SGIP1: variants seen among roughly 807,000 people sequenced by gnomAD.
The protein encoded by SGIP1 is SH3-containing GRB2-like protein 3-interacting protein 1.
SGIP1 carries 38 observed loss-of-function variants against 107.5 expected under a neutral mutation model. The ratio of observed to expected loss-of-function variants is 0.35; its 90% CI spans 0.27 to 0.46. The LOEUF is 0.46. Among genes scored for constraint, SGIP1 ranks in the 20% least tolerant of loss-of-function variants. SGIP1 has a pLI of 1.00. For synonymous variants in SGIP1, 365 were observed against 366.1 expected, an observed-to-expected ratio of 1.00 and a Z score of 0.03; for missense variants, 929 against 1,019.5, an observed-to-expected ratio of 0.91 and a Z score of 1.21.
intron 1 of SGIP1, among the ~76,000 whole-genome samples, chr1:66,581,161 G>C (rs925526941): frequency 2.0e-5 from 3 of 152,010 alleles, no homozygotes; most frequent in African/African-American, 7.2e-5. Flanking sequence ...AAACTTCACT[G>C]TTTTAGACCA....
At chr1:66,741,893 G>C (rs1352679465) in intron 24 of SGIP1, among the ~76,000 whole-genome samples, 1 of 151,604 alleles carries the variant, frequency 6.6e-6, no homozygotes, top group Non-Finnish European at 1.5e-5. Flanking sequence ...TCAGCCTCCC[G>C]AGTAGCTGGG....
chr1:66,736,776 A>C (rs2094277433), intron 21 of SGIP1, among the ~76,000 whole-genome samples: 1 of 151,848 alleles, frequency 6.6e-6, no homozygotes, highest in Admixed American at 6.6e-5. Context: ...AATGCCACCC[A>C]GGTATCTGTA....
intron 24 of SGIP1, among the ~76,000 whole-genome samples, chr1:66,742,434 G>A (rs1001597919): frequency 1.4e-5 from 2 of 140,788 alleles, no homozygotes; most frequent in African/African-American, 5.3e-5. Flanking sequence ...ATCCAAATTG[G>A]AATATAAGTT....
intron 2 of SGIP1, among the ~76,000 whole-genome samples, chr1:66,632,745 A>T (rs1465430937): frequency 6.6e-6 from 1 of 152,030 alleles, no homozygotes. Flanking sequence ...AGCCAGCTAG[A>T]GTGGGATAGT....
intron 18 of SGIP1, among the ~76,000 whole-genome samples, chr1:66,704,014 T>A (rs1251944662): frequency 6.6e-6 from 1 of 151,970 alleles, no homozygotes; most frequent in Non-Finnish European, 1.5e-5. Context: ...CTCTGAAAAC[T>A]GGAATAATAA....
intron 1 of SGIP1, among the ~76,000 whole-genome samples, chr1:66,544,699 A>G (rs1266798461): frequency 6.6e-6 from 1 of 152,090 alleles, no homozygotes; most frequent in Non-Finnish European, 1.5e-5. Flanking sequence ...AAAAACAAAC[A>G]TACATATAAA....
At chr1:66,660,029 A>AGGAAGGAAGGAAGGAT (rs2149689216) in intron 7 of SGIP1, 1 of 137,316 alleles carries the variant, frequency 7.3e-6, no homozygotes, top group Non-Finnish European at 1.3e-5. Context: ...GAAGGAAGGA[A>AGGAAGGAAGGAAGGAT]GGAAGGAAGG....
At chr1:66,540,304 A>G (rs2054619615) in intron 1 of SGIP1, among the ~76,000 whole-genome samples, 2 of 152,214 alleles carry the variant, frequency 1.3e-5, no homozygotes, top group Admixed American at 6.5e-5. Context: ...GCTCCTAGGA[A>G]ATGATTTCAT....
chr1:66,603,945 G>A (rs2066340787), intron 1 of SGIP1, among the ~76,000 whole-genome samples: 1 of 152,144 alleles, frequency 6.6e-6, no homozygotes, highest in Non-Finnish European at 1.5e-5. Flanking sequence ...AATCGGAAAA[G>A]AGTCCAGAGG....
intron 1 of SGIP1, among the ~76,000 whole-genome samples, chr1:66,572,197 C>T (rs1334464067): frequency 6.6e-6 from 1 of 151,930 alleles, no homozygotes; most frequent in Non-Finnish European, 1.5e-5. Flanking sequence ...CATTTTTCTA[C>T]CTTGCATTGT....
chr1:66,660,304 G>A (rs553268975), intron 7 of SGIP1, among the ~76,000 whole-genome samples: 3 of 152,062 alleles, frequency 2.0e-5, no homozygotes, highest in South Asian at 4.2e-4. Context: ...CCCAGATGAA[G>A]TCCACACCTA....
At chr1:66,613,140 A>G (rs2068392429) in intron 1 of SGIP1, among the ~76,000 whole-genome samples, 1 of 152,142 alleles carries the variant, frequency 6.6e-6, no homozygotes. Flanking sequence ...AAAACACTCT[A>G]TTTGTTTAGC....
intron 13 of SGIP1, among the ~76,000 whole-genome samples, chr1:66,678,262 T>C (rs571801157): frequency 6.4e-4 from 97 of 152,338 alleles, no homozygotes; most frequent in African/African-American, 2.3e-3. Flanking sequence ...GAAAACCCTT[T>C]CCTAAATGCC....
At chr1:66,635,880 T>C in intron 3 of SGIP1, 64 bp from the exon 4 acceptor site, 3 of 1,512,856 alleles carry the variant, frequency 2.0e-6, no homozygotes, top group Admixed American at 1.7e-5. Context: ...ATTCTTTATA[T>C]GTGTCTTGAA....
chr1:66,719,647 C>T (rs1044596088), intron 19 of SGIP1, among the ~76,000 whole-genome samples: 2 of 152,110 alleles, frequency 1.3e-5, no homozygotes, highest in African/African-American at 2.4e-5. Flanking sequence ...TTCTAGAGAA[C>T]TTACTCTAGA....
At chr1:66,724,576 C>T (rs1409442651) in intron 19 of SGIP1, among the ~76,000 whole-genome samples, 1 of 152,146 alleles carries the variant, frequency 6.6e-6, no homozygotes, top group African/African-American at 2.4e-5. Flanking sequence ...ACGTGGACTA[C>T]TTCTCCCACC....
intron 18 of SGIP1, 24 bp downstream of exon 18, chr1:66,695,517 A>T: frequency 6.2e-7 from 1 of 1,607,312 alleles, no homozygotes; most frequent in Non-Finnish European, 8.5e-7. Flanking sequence ...AGCATACCAG[A>T]TTCTAATTTA....
intron 16 of SGIP1, 76 bp from the exon 17 acceptor site, chr1:66,690,114 G>A (rs932222899): frequency 6.4e-7 from 1 of 1,553,614 alleles, no homozygotes; most frequent in African/African-American, 1.4e-5. Context: ...TCTGGGGCTG[G>A]GAGACATTAA....
In SGIP1 at chr1:66,560,298, T is replaced by C. The variant is rs115271551; in HGVS notation, c.10+25930T>C. Among the ~76,000 whole-genome samples the C allele has an allele frequency of 2.3e-3, 350 of 152,212 alleles. 1 individual carries two copies. The highest frequency in any genetic ancestry group is 8.3e-3 in the African/African-American group (345 of 41,576). ...AGTACCCAGTTGATTTTGTTGTTGG[T>C]TTGACTTAATTGAAATACTGTATGT... On this transcript the variant is annotated intron_variant, in intron 1 of 24. Transcript: ENST00000371037.
Sources: allele counts gnomAD v4.1 joint callset (sites outside exome capture counted in the v4.1 genomes callset), GRCh38; gene constraint gnomAD v4.1.1; transcripts MANE v1.5; gene names NCBI Gene and HGNC (gene_info 2026-07-23, HGNC 2026-07-21).